The following RBBP7 variants were observed in gnomAD, a reference collection of about 807,000 sequenced individuals.
RBBP7 encodes histone-binding protein RBBP7.
In RBBP7, 5 loss-of-function variants were observed where a neutral mutation model predicts 35.2. That is an observed-to-expected ratio of 0.14 (90% CI 0.07 to 0.30). The LOEUF (loss-of-function observed/expected upper bound fraction) is 0.30, where lower values mean the gene tolerates loss of function less well. Among genes scored for constraint, RBBP7 ranks in the 10% least tolerant of loss-of-function variants. The pLI is 1.00. For synonymous variants in RBBP7, 140 were observed against 118.7 expected (o/e 1.18, Z -1.17); for missense variants, 155 against 327.5 (o/e 0.47, Z 4.07).
intron 3 of RBBP7, among the ~76,000 whole-genome samples, chrX:16,862,130 G>A (rs4828539): frequency 0.52 from 57,678 of 109,891 alleles, 11,787 homozygotes; most frequent in East Asian, 0.85. Context: ...GTTTGCTGCC[G>A]GAAGACACAT....
chrX:16,866,523 CAAAAAAAAAAAAAAAAAAA>C (rs55729039), intron 2 of RBBP7, among the ~76,000 whole-genome samples: 4 of 32,583 alleles, frequency 1.2e-4, no homozygotes, highest in Non-Finnish European at 2.0e-4. Context: ...GAGACTGTCT[CAAAAAAAAAAAAAAAAAAA>C]AAAAAAAAAA....
At chrX:16,845,169 C>A in intron 11 of RBBP7, 66 bp from the exon 12 acceptor site, 1 of 775,793 alleles carries the variant, frequency 1.3e-6, no homozygotes, top group Non-Finnish European at 1.9e-6. Context: ...CATGTAAAAA[C>A]AATTTAATCT....
chrX:16,861,156 T>C (rs1435451664), intron 3 of RBBP7, among the ~76,000 whole-genome samples: 3 of 111,996 alleles, frequency 2.7e-5, no homozygotes, highest in African/African-American at 9.7e-5. Flanking sequence ...CCTGGGCGAC[T>C]GAGCGAGACC....
In RBBP7 at chrX:16,845,870, A is replaced by G; in HGVS notation, c.1167T>C (p.Ile389=). 1 of 1,211,407 alleles carries G rather than the reference A, an allele frequency of 8.3e-7. No homozygotes were observed. Among genetic ancestry groups the G allele is most frequent in the Non-Finnish European group, 1.1e-6 (1 of 895,319 alleles). ...TGATGTTATCCTCAGACACTGAGCA[A>G]ATGACCCAAGGCTCATTGGGGTTCC... ...FSWNPNEPWV[I]CSVSEDNIMQ... The change falls in exon 11 of 12, where the codon ATT becomes ATC. Residue 389 remains isoleucine, a synonymous_variant. Coordinates refer to ENST00000380087, the MANE Select transcript of RBBP7 (RefSeq NM_002893.4).
At chrX:16,850,323 C>T (rs896173853) in intron 9 of RBBP7, among the ~76,000 whole-genome samples, 1 of 112,652 alleles carries the variant, frequency 8.9e-6, no homozygotes, top group Non-Finnish European at 1.9e-5. Context: ...AGACATGAGC[C>T]GCCATGCCTG....
At chrX:16,865,166 C>A (rs888860889) in intron 2 of RBBP7, among the ~76,000 whole-genome samples, 2 of 108,338 alleles carry the variant, frequency 1.8e-5, no homozygotes, top group African/African-American at 6.7e-5. Flanking sequence ...AAGCGGATTG[C>A]TTGAACCCAG....
chrX:16,849,215 C>T, intron 10 of RBBP7, 29 bp downstream of exon 10: 2 of 1,186,149 alleles, frequency 1.7e-6, no homozygotes, highest in Non-Finnish European at 2.3e-6. Flanking sequence ...CTGCATATGA[C>T]ATTTCATCTT....
chrX:16,860,698 A>G (rs893767939), intron 3 of RBBP7, among the ~76,000 whole-genome samples: 7 of 106,175 alleles, frequency 6.6e-5, no homozygotes, highest in Admixed American at 3.0e-4. Flanking sequence ...AAAAAAAAAG[A>G]AAAAAAAAAT....
intron 3 of RBBP7, 102 bp downstream of exon 3, chrX:16,862,853 T>G: frequency 2.1e-6 from 2 of 958,401 alleles, no homozygotes; most frequent in Non-Finnish European, 2.9e-6. Flanking sequence ...TCCTAGAAGT[T>G]AAATTACTGG....
chrX:16,869,560 G>A, intron 1 of RBBP7: 2 of 1,166,878 alleles, frequency 1.7e-6, no homozygotes, highest in Non-Finnish European at 2.3e-6. Context: ...AAATGCACGT[G>A]TAGCAGAAGC....
In RBBP7 at chrX:16,845,998, G is replaced by T. The variant is rs1930068530; in HGVS notation, c.1099-60C>A. 10 of 1,155,543 alleles carry T rather than the reference G, an allele frequency of 8.7e-6. No homozygotes were observed. In the South Asian group the frequency reaches 2.1e-4, roughly 24 times the overall value. ...TACTCTCCTGTTAATCCTAACAAAG[G>T]TTTTACTAAGTTTTTAGAGCTATCA... On this transcript the variant is annotated intron_variant, in intron 10 of 11. Coordinates refer to ENST00000380087, the MANE Select transcript of RBBP7 (RefSeq NM_002893.4).
intron 9 of RBBP7, among the ~76,000 whole-genome samples, chrX:16,850,257 G>C (rs962916089): frequency 8.9e-6 from 1 of 112,491 alleles, no homozygotes; most frequent in Admixed American, 9.4e-5. Context: ...GGTTGGTCTC[G>C]AACTCCTGGG....
intron 2 of RBBP7, 88 bp downstream of exon 2, chrX:16,868,988 C>T: frequency 9.8e-7 from 1 of 1,023,833 alleles, no homozygotes; most frequent in Non-Finnish European, 1.3e-6. Flanking sequence ...TGATTACATA[C>T]TTATGTTCTA....
chrX:16,852,505 TG>T, intron 8 of RBBP7, 45 bp downstream of exon 8: 1 of 1,171,344 alleles, frequency 8.5e-7, no homozygotes, highest in Non-Finnish European at 1.2e-6. Flanking sequence ...GATGAATCCC[TG>T]GATTTCATTT....
chrX:16,860,733 TA>T (rs1323157277), intron 3 of RBBP7, among the ~76,000 whole-genome samples: 1 of 107,992 alleles, frequency 9.3e-6, no homozygotes, highest in African/African-American at 3.4e-5. Flanking sequence ...TTAACAAAGG[TA>T]TTAACTGAAT....
chrX:16,869,468 G>A, intron 1 of RBBP7: 1 of 1,163,082 alleles, frequency 8.6e-7, no homozygotes, highest in East Asian at 3.3e-5. Flanking sequence ...CATGGAAATT[G>A]TTTACCCTGT....
chrX:16,846,277 C>CA (rs1489943157), intron 10 of RBBP7: 2 of 143,836 alleles, frequency 1.4e-5, no homozygotes, highest in Non-Finnish European at 2.7e-5. Flanking sequence ...TTTTCCTAGT[C>CA]AAAATGCCAT....
chrX:16,850,233 GTC>G (rs1324878576), intron 9 of RBBP7, among the ~76,000 whole-genome samples: 2 of 112,587 alleles, frequency 1.8e-5, no homozygotes, highest in Non-Finnish European at 3.8e-5. Context: ...TAGAGACAGG[GTC>G]TATGTTGCCC....
At chrX:16,864,683 T>C (rs915927515) in intron 2 of RBBP7, among the ~76,000 whole-genome samples, 4 of 109,822 alleles carry the variant, frequency 3.6e-5, no homozygotes, top group African/African-American at 1.0e-4. Flanking sequence ...CATGAGCACA[T>C]GTGCCCCCCA....
Sources: gnomAD v4.1 joint callset for allele counts (sites outside exome capture counted in the v4.1 genomes callset) on GRCh38, gnomAD v4.1.1 for gene constraint, MANE v1.5 for transcripts, NCBI Gene and HGNC (gene_info 2026-07-23, HGNC 2026-07-21) for gene names.